Variants in GFRA2 observed in about 807,000 individuals in gnomAD.
The protein encoded by GFRA2 is GDNF family receptor alpha-2.
In GFRA2, 17 loss-of-function variants were observed where a neutral mutation model predicts 48.3. The ratio of observed to expected loss-of-function variants is 0.35; its 90% CI spans 0.24 to 0.53. The LOEUF (loss-of-function observed/expected upper bound fraction) is 0.53, where lower values mean the gene tolerates loss of function less well. Ranked by LOEUF, GFRA2 falls within the 20% of genes least tolerant of loss-of-function variation. The pLI is 0.93. For synonymous variants in GFRA2, 305 were observed against 257.2 expected (o/e 1.19, Z -1.78); for missense variants, 660 against 637.3 (o/e 1.04, Z -0.38).
At chr8:21,709,483 C>G (rs1802908561) in intron 4 of GFRA2, among the ~76,000 whole-genome samples, 1 of 152,078 alleles carries the variant, frequency 6.6e-6, no homozygotes, top group Non-Finnish European at 1.5e-5. Context: ...TGCATCCTTT[C>G]TCCAAATACA....
intron 4 of GFRA2, among the ~76,000 whole-genome samples, chr8:21,715,966 T>A (rs1312414744): frequency 6.6e-6 from 1 of 152,168 alleles, no homozygotes; most frequent in Non-Finnish European, 1.5e-5. Context: ...CTATATTTTA[T>A]TATGTAAGCC....
At chr8:21,747,756 CCA>C (rs61578379) in intron 4 of GFRA2, among the ~76,000 whole-genome samples, 48,138 of 138,746 alleles carry the variant, frequency 0.35, 9,279 homozygotes, top group Admixed American at 0.47. Flanking sequence ...CCATCTTCCA[CCA>C]CACACACACA....
chr8:21,695,340 C>T (rs1402662717), intron 7 of GFRA2, among the ~76,000 whole-genome samples: 1 of 152,128 alleles, frequency 6.6e-6, no homozygotes, highest in Non-Finnish European at 1.5e-5. Flanking sequence ...TGGCTTGTTC[C>T]CAGGGCACTT....
intron 2 of GFRA2, among the ~76,000 whole-genome samples, chr8:21,800,719 G>T (rs1807755343): frequency 6.6e-6 from 1 of 152,148 alleles, no homozygotes; most frequent in Admixed American, 6.5e-5. Flanking sequence ...GAGCCCAGGA[G>T]TTGGAGGCCA....
At chr8:21,782,486 G>T in intron 2 of GFRA2, 99 bp downstream of exon 2, 1 of 907,924 alleles carries the variant, frequency 1.1e-6, no homozygotes, top group Non-Finnish European at 1.7e-6. Flanking sequence ...GCCAGTTTGC[G>T]CCACCACCTA....
chr8:21,778,632 T>C (rs1806826352), intron 2 of GFRA2, among the ~76,000 whole-genome samples: 1 of 152,228 alleles, frequency 6.6e-6, no homozygotes, highest in Admixed American at 6.5e-5. Context: ...CTTATGCCTA[T>C]AATTCCAACA....
intron 4 of GFRA2, among the ~76,000 whole-genome samples, chr8:21,739,860 G>A (rs1403427068): frequency 6.6e-6 from 1 of 152,220 alleles, no homozygotes; most frequent in Non-Finnish European, 1.5e-5. Flanking sequence ...CCCGAGAGCT[G>A]GCTTCTCTAA....
At chr8:21,769,148 C>T in intron 3 of GFRA2, 2 of 983,296 alleles carry the variant, frequency 2.0e-6, no homozygotes, top group Non-Finnish European at 2.4e-6. Context: ...GGACACAGGT[C>T]TGATTCTCTT....
At chr8:21,739,806 G>A (rs1344496347) in intron 4 of GFRA2, among the ~76,000 whole-genome samples, 1 of 152,192 alleles carries the variant, frequency 6.6e-6, no homozygotes, top group African/African-American at 2.4e-5. Flanking sequence ...ACACCTCCTC[G>A]AGGAGGAAGA....
In GFRA2 at chr8:21,694,495, T is replaced by G. The variant is rs374192949; in HGVS notation, c.1241A>C (p.Asn414Thr). ...SVQEQGLKAN[N>T]SKELSMCFTE... ...GAAGCACATGCTTAACTCTTTGGAG[T>G]TGTTGGCCTTCAGCCCCTGCTCCTG... The change falls in exon 8 of 9, where the codon AAC (asparagine) becomes ACC (threonine). Residue 414 changes from asparagine (N) to threonine (T), a missense_variant. Coordinates refer to ENST00000524240, the MANE Select transcript of GFRA2 (RefSeq NM_001495.5). 1 of 1,612,006 alleles carries G rather than the reference T, an allele frequency of 6.2e-7. No homozygotes were observed. The highest frequency in any genetic ancestry group is 1.7e-5 in the Admixed American group (1 of 59,852).
chr8:21,758,938 G>C (rs1366893002), intron 3 of GFRA2, among the ~76,000 whole-genome samples: 1 of 152,172 alleles, frequency 6.6e-6, no homozygotes, highest in African/African-American at 2.4e-5. Flanking sequence ...CTCTCCAGGA[G>C]CAGAACCGGA....
chr8:21,746,592 C>T (rs925959223), intron 4 of GFRA2, among the ~76,000 whole-genome samples: 6 of 152,058 alleles, frequency 3.9e-5, no homozygotes, highest in Non-Finnish European at 8.8e-5. Context: ...CCTGGAGTCT[C>T]CATTGTTTAA....
intron 4 of GFRA2, among the ~76,000 whole-genome samples, chr8:21,731,454 C>G (rs1418122139): frequency 6.6e-6 from 1 of 152,186 alleles, no homozygotes; most frequent in Non-Finnish European, 1.5e-5. Flanking sequence ...TGCCCCTTCT[C>G]TCTTTTCCAA....
At chr8:21,695,696 C>T (rs1802129590) in intron 7 of GFRA2, among the ~76,000 whole-genome samples, 1 of 152,174 alleles carries the variant, frequency 6.6e-6, no homozygotes, top group South Asian at 2.1e-4. Flanking sequence ...CTGGACTCCA[C>T]TCCCCAGGAC....
At chr8:21,791,461 C>T (rs1871331), upstream of GFRA2, among the ~76,000 whole-genome samples, 14,027 of 152,158 alleles carry the variant, frequency 0.092, 731 homozygotes, top group African/African-American at 0.13. Flanking sequence ...GACACCCCAC[C>T]CTCTGCCCAC....
chr8:21,788,275 G>C lies in GFRA2; in HGVS notation c.-116C>G, dbSNP rs1418094119. 7.0e-7 allele frequency: 1 copy of C among 1,433,820 alleles called. No individual in the cohort carries two copies. 88.8% of individuals were successfully genotyped at this position (1,433,820 alleles called of 1,614,324 possible). On this transcript the variant is annotated 5_prime_UTR_variant, in exon 1 of 9. Transcript: ENST00000524240. ...GGTAATCAGCCCCAAATCCAATGCGGAGATCCCAGCTAGTCCACCCGATGA... is the reference window on the plus strand; with the variant it reads ...GGTAATCAGCCCCAAATCCAATGCGCAGATCCCAGCTAGTCCACCCGATGA...
intron 4 of GFRA2, among the ~76,000 whole-genome samples, chr8:21,710,602 G>GCACT (rs1306936373): frequency 1.3e-5 from 2 of 152,162 alleles, no homozygotes; most frequent in African/African-American, 4.8e-5. Flanking sequence ...GCAGGGCAAG[G>GCACT]CACTCAGGGC....
chr8:21,785,644 T>C (rs1180161368), intron 1 of GFRA2, among the ~76,000 whole-genome samples: 1 of 152,174 alleles, frequency 6.6e-6, no homozygotes, highest in Non-Finnish European at 1.5e-5. Flanking sequence ...CTAGAATGTG[T>C]GCTAGAAAGT....
intron 4 of GFRA2, among the ~76,000 whole-genome samples, chr8:21,716,309 A>T (rs1299418163): frequency 8.2e-5 from 1 of 12,220 alleles, no homozygotes; most frequent in Non-Finnish European, 2.1e-4. Context: ...GGAAACAAAG[A>T]AAAAAAAAAA....
Sources: gnomAD v4.1 joint callset for allele counts (sites outside exome capture counted in the v4.1 genomes callset) on GRCh38, gnomAD v4.1.1 for gene constraint, MANE v1.5 for transcripts, NCBI Gene and HGNC (gene_info 2026-07-23, HGNC 2026-07-21) for gene names.